Variants in DYNC1I1 observed in about 807,000 individuals in gnomAD.
DYNC1I1 encodes the protein cytoplasmic dynein 1 intermediate chain 1.
In DYNC1I1, 43 loss-of-function variants were observed where a neutral mutation model predicts 86.6. The observed-to-expected ratio is 0.50, with a 90% CI of 0.39 to 0.64. The LOEUF (loss-of-function observed/expected upper bound fraction) is 0.64, where lower values mean the gene tolerates loss of function less well. Ranked by LOEUF, DYNC1I1 falls within the 30% of genes least tolerant of loss-of-function variation. The probability of loss-of-function intolerance (pLI) is 0.00; values close to 1 mark genes in which losing one functional copy is unlikely to be tolerated. For synonymous variants in DYNC1I1, 262 were observed against 283.7 expected (o/e 0.92, Z 0.77); for missense variants, 604 against 788.8 (o/e 0.77, Z 2.81).
At chr7:96,025,735 TG>T (rs1053563808) in intron 10 of DYNC1I1, among the ~76,000 whole-genome samples, 21 of 152,018 alleles carry the variant, frequency 1.4e-4, no homozygotes, top group Non-Finnish European at 2.6e-4. Flanking sequence ...TCTCACTCTA[TG>T]GGGTTGGGTT....
chr7:95,839,286 C>G (rs1396426690), intron 5 of DYNC1I1, among the ~76,000 whole-genome samples: 1 of 152,198 alleles, frequency 6.6e-6, no homozygotes, highest in Non-Finnish European at 1.5e-5. Flanking sequence ...CCACCTCAGC[C>G]TCCTAAAGTG....
chr7:95,938,718 T>C (rs921445252), intron 6 of DYNC1I1, among the ~76,000 whole-genome samples: 1 of 152,160 alleles, frequency 6.6e-6, no homozygotes, highest in African/African-American at 2.4e-5. Context: ...TGAAAGCTTT[T>C]TGTAAATTAT....
chr7:95,953,823 A>C (rs1792625474), intron 6 of DYNC1I1, among the ~76,000 whole-genome samples: 1 of 152,110 alleles, frequency 6.6e-6, no homozygotes, highest in East Asian at 1.9e-4. Flanking sequence ...GGGGTCTCCA[A>C]CTCTTCATTC....
intron 14 of DYNC1I1, among the ~76,000 whole-genome samples, chr7:96,066,346 A>G (rs554730070): frequency 1.6e-4 from 25 of 152,246 alleles, no homozygotes; most frequent in Admixed American, 1.4e-3. Context: ...ACACACCACT[A>G]CCACCCCCAA....
chr7:95,856,592 T>A (rs1789730099), intron 5 of DYNC1I1, among the ~76,000 whole-genome samples: 1 of 152,242 alleles, frequency 6.6e-6, no homozygotes, highest in Non-Finnish European at 1.5e-5. Context: ...CAGCTGTGTG[T>A]TCCTGTTTCA....
intron 7 of DYNC1I1, among the ~76,000 whole-genome samples, chr7:95,978,783 T>C (rs1296512539): frequency 6.6e-6 from 1 of 151,410 alleles, no homozygotes; most frequent in Non-Finnish European, 1.5e-5. Flanking sequence ...ATCCATATCA[T>C]ATGGAGTTAA....
rs1269837942 is a variant in DYNC1I1 at position 95,780,725 on chromosome 7, T to C, written c.-10+7952T>C. Among the ~76,000 whole-genome samples the C allele has an allele frequency of 2.0e-5, 3 of 152,188 alleles. No individual in the cohort carries two copies. The East Asian group carries it at 5.8e-4, about 29-fold the overall frequency. On this transcript the variant is annotated intron_variant, in intron 1 of 16. Coordinates refer to ENST00000447467, the MANE Select transcript of DYNC1I1 (RefSeq NM_001135556.2). ...GTTTTAGATCCTACAGCACACCATGTGGAAGTCTTTAAATGTTTATCAAGT... is the reference window on the plus strand; with the variant it reads ...GTTTTAGATCCTACAGCACACCATGCGGAAGTCTTTAAATGTTTATCAAGT...
chr7:95,777,842 AT>A (rs201410447), intron 1 of DYNC1I1, among the ~76,000 whole-genome samples: 18 of 151,438 alleles, frequency 1.2e-4, no homozygotes, highest in African/African-American at 2.2e-4. Context: ...CTCTTCCAAC[AT>A]TTTTTTTTCT....
intron 6 of DYNC1I1, among the ~76,000 whole-genome samples, chr7:95,933,342 C>G (rs1181873833): frequency 6.6e-6 from 1 of 152,152 alleles, no homozygotes; most frequent in African/African-American, 2.4e-5. Flanking sequence ...GATTCTCATT[C>G]CTAACAATGC....
At chr7:95,941,815 T>C (rs1584183443) in intron 6 of DYNC1I1, among the ~76,000 whole-genome samples, 1 of 152,280 alleles carries the variant, frequency 6.6e-6, no homozygotes, top group Non-Finnish European at 1.5e-5. Flanking sequence ...CCCACTGTCC[T>C]GCGCCCACTG....
At chr7:95,951,759 T>C (rs1464220707) in intron 6 of DYNC1I1, among the ~76,000 whole-genome samples, 3 of 152,316 alleles carry the variant, frequency 2.0e-5, no homozygotes, top group Non-Finnish European at 2.9e-5. Context: ...GTTGTATTCA[T>C]GCAGCGAAGA....
intron 6 of DYNC1I1, among the ~76,000 whole-genome samples, chr7:95,937,851 T>C (rs886173405): frequency 2.6e-5 from 4 of 152,070 alleles, no homozygotes; most frequent in Non-Finnish European, 2.9e-5. Flanking sequence ...CAACCAACCA[T>C]AAACACAGCT....
At chr7:96,063,885 C>T (rs1021899417) in intron 14 of DYNC1I1, among the ~76,000 whole-genome samples, 3 of 152,198 alleles carry the variant, frequency 2.0e-5, no homozygotes, top group Admixed American at 6.5e-5. Flanking sequence ...CCGCCACCTC[C>T]TAATCCTTAT....
chr7:96,056,041 C>T (rs1789567953), intron 14 of DYNC1I1: 1 of 152,208 alleles, frequency 6.6e-6, no homozygotes, highest in Admixed American at 6.5e-5. Flanking sequence ...TTCCTCTTTA[C>T]CTCTCTGCCA....
rs1314616292 is a variant in DYNC1I1, at chr7:95,846,623, C to CTGTGTGTGTGTGTGTGTG, written c.374+18508_374+18509insGTGTGTGTGTGTGTGTGT. Among the ~76,000 whole-genome samples the CTGTGTGTGTGTGTGTGTG allele has an allele frequency of 9.4e-4, 114 of 121,208 alleles. 1 individual carries two copies. The highest frequency in any genetic ancestry group is 1.4e-3 in the Non-Finnish European group (82 of 57,142). 79.5% of individuals were successfully genotyped at this position (121,208 alleles called of 152,430 possible). ...TTCTGAACATAAATGATAAATCTCT[C>CTGTGTGTGTGTGTGTGTG]TCTCTGTGTGTGTGTGTGTGTGTGT... is the stretch of plus-strand genomic sequence containing the variant. On this transcript the variant is annotated intron_variant, in intron 5 of 16. Transcript: ENST00000447467.
intron 6 of DYNC1I1, among the ~76,000 whole-genome samples, chr7:95,895,238 G>A (rs1790851094): frequency 6.6e-6 from 1 of 152,166 alleles, no homozygotes; most frequent in Admixed American, 6.6e-5. Context: ...CAATCCGATG[G>A]AGTATAGTTC....
chr7:95,908,373 C>A (rs1288769410), intron 6 of DYNC1I1, among the ~76,000 whole-genome samples: 5 of 151,842 alleles, frequency 3.3e-5, no homozygotes, highest in African/African-American at 4.8e-5. Flanking sequence ...TGTGTTATAC[C>A]CTAAATATCA....
intron 10 of DYNC1I1, among the ~76,000 whole-genome samples, chr7:96,002,805 T>C (rs1347741483): frequency 6.6e-6 from 1 of 151,840 alleles, no homozygotes; most frequent in Non-Finnish European, 1.5e-5. Flanking sequence ...CAGCATTTTT[T>C]TTTTGGTTTT....
chr7:95,921,775 A>G (rs1267483862), intron 6 of DYNC1I1, among the ~76,000 whole-genome samples: 2 of 152,176 alleles, frequency 1.3e-5, no homozygotes, highest in Non-Finnish European at 1.5e-5. Context: ...GCTGTGCAAT[A>G]TGGTTGTGAG....
Sources: gnomAD v4.1 joint callset for allele counts (sites outside exome capture counted in the v4.1 genomes callset) on GRCh38, gnomAD v4.1.1 for gene constraint, MANE v1.5 for transcripts, NCBI Gene and HGNC (gene_info 2026-07-23, HGNC 2026-07-21) for gene names.